The following HERC2 variants were observed in gnomAD, a reference collection of about 807,000 sequenced individuals.
HERC2 encodes the protein E3 ubiquitin-protein ligase HERC2.
In HERC2, 102 loss-of-function variants were observed where a neutral mutation model predicts 537.7. That is an observed-to-expected ratio of 0.19 (90% confidence interval 0.16 to 0.22). The LOEUF (loss-of-function observed/expected upper bound fraction) is 0.22. Ranked by LOEUF, HERC2 falls within the 10% of genes least tolerant of loss-of-function variation. The pLI is 1.00. For synonymous variants in HERC2, 2,224 were observed against 2,466.2 expected (o/e 0.90, Z 2.91); for missense variants, 4,236 against 6,198.2 (o/e 0.68, Z 10.63).
chr15:28,287,740 G>GTTT (rs1461307820), intron 4 of HERC2, among the ~76,000 whole-genome samples: 2,951 of 140,480 alleles, frequency 0.021, no homozygotes, highest in African/African-American at 0.065. Context: ...TTTTTTTTTG[G>GTTT]TTTGAGATGG....
Position 28,270,747 on chromosome 15 carries a change from C to T in HERC2, c.1205G>A (p.Arg402His), listed in dbSNP as rs200754559. Residue 402 changes from arginine to histidine, a missense_variant, in exon 10 of 93, where the codon CGT becomes CAT. Coordinates refer to ENST00000261609, the MANE Select transcript of HERC2 (RefSeq NM_004667.6). ...TAVVVMAHLD[R>H]LATPCMPPLC... The stretch of plus-strand genomic sequence containing the variant: ...CGGAGGCATACAGGGCGTAGCCAGA[C>T]GGTCTAAATGGGCCATGACAACAAC... 2.2e-5 allele frequency: 36 copies of T among 1,613,812 alleles called. No individual in the cohort carries two copies. Among genetic ancestry groups the T allele is most frequent in the Admixed American group, 6.7e-5 (4 of 59,986 alleles).
chr15:28,319,900 A>C (rs1018129673), intron 2 of HERC2, among the ~76,000 whole-genome samples: 2 of 152,236 alleles, frequency 1.3e-5, no homozygotes, highest in African/African-American at 2.4e-5. Flanking sequence ...ACAATTATTA[A>C]AACTTTGCCT....
intron 27 of HERC2, 46 bp from the exon 28 acceptor site, chr15:28,233,842 T>C (rs758375242): frequency 6.2e-7 from 1 of 1,600,596 alleles, no homozygotes; most frequent in Non-Finnish European, 8.5e-7. Context: ...ACCCAGTGAG[T>C]CTTCACAAAT....
rs763691916 is a variant in HERC2 at position 28,144,037 on chromosome 15, C to T, written c.11299+40G>A. On this transcript the variant is annotated intron_variant, in intron 73 of 92. Coordinates refer to ENST00000261609, the MANE Select transcript of HERC2 (RefSeq NM_004667.6). ...GTATCAGAAGTCTGATGGTTTCTTC[C>T]AAGCAGGAAGACAGATGTAACTGTA... 1.2e-5 allele frequency: 19 copies of T among 1,613,926 alleles called. No homozygotes were observed. The South Asian group carries it at 1.9e-4, about 16-fold the overall frequency.
At chr15:28,316,496 G>T (rs1596473158) in intron 2 of HERC2, among the ~76,000 whole-genome samples, 1 of 152,102 alleles carries the variant, frequency 6.6e-6, no homozygotes, top group East Asian at 1.9e-4. Flanking sequence ...TTTTTTTGCT[G>T]CAAAATGCTC....
At chr15:28,198,220 C>T (rs2525933) in intron 50 of HERC2, among the ~76,000 whole-genome samples, 158 bp downstream of exon 50, 3 of 152,202 alleles carry the variant, frequency 2.0e-5, no homozygotes, top group Admixed American at 6.5e-5. Context: ...GTGAGTTCCT[C>T]TGTGGCCTTT....
Position 28,269,443 on chromosome 15 carries a change from G to A in HERC2, c.1258-7C>T, listed in dbSNP as rs753462745. On this transcript the variant is annotated splice_polypyrimidine_tract_variant and splice_region_variant and intron_variant, in intron 10 of 92. Coordinates refer to ENST00000261609, the MANE Select transcript of HERC2 (RefSeq NM_004667.6). ...TGACCTCTTGCAATGATCCCTGTAAGATAAGAAAGTAAACATTTCCTTTAA... is the reference window on the plus strand; with the variant it reads ...TGACCTCTTGCAATGATCCCTGTAAAATAAGAAAGTAAACATTTCCTTTAA... 1.8e-5 allele frequency: 29 copies of A among 1,594,408 alleles called. No individual in the cohort carries two copies. The Admixed American group carries it at 4.2e-4, about 23-fold the overall frequency.
chr15:28,267,781 T>G (rs542332322), intron 12 of HERC2, among the ~76,000 whole-genome samples: 1 of 152,342 alleles, frequency 6.6e-6, no homozygotes, highest in East Asian at 1.9e-4. Flanking sequence ...GGGACACAAG[T>G]GCAGTCATGA....
Position 28,196,546 on chromosome 15 carries a change from T to C in HERC2, c.8035A>G (p.Ile2679Val), listed in dbSNP as rs148225341. 407 of 1,612,106 alleles carry C rather than the reference T, an allele frequency of 2.5e-4. No individual in the cohort carries two copies. Among genetic ancestry groups the C allele is most frequent in the Non-Finnish European group, 3.3e-4 (384 of 1,178,304 alleles). ...VKAFSANGKDIIVDFPQQSHW... is the reference protein window; with the variant it reads ...VKAFSANGKDVIVDFPQQSHW... ...GACTGCTGGGGAAAGTCGACAATGATATCTTTTCCATTGGCACTGAAAGCT... is the reference window on the plus strand; with the variant it reads ...GACTGCTGGGGAAAGTCGACAATGACATCTTTTCCATTGGCACTGAAAGCT... Residue 2679 changes from isoleucine (I) to valine (V), a missense_variant, in exon 51 of 93, where the codon ATC becomes GTC. Around this residue, in one of 27 missense-constraint regions of HERC2, gnomAD observed 606 missense variants for 884.5 expected, o/e 0.69. Transcript: ENST00000261609.
chr15:28,254,201 T>G lies in HERC2; in HGVS notation c.3050+139A>C, dbSNP rs2075178499. 10 of 583,936 alleles carry G rather than the reference T, an allele frequency of 1.7e-5. No individual in the cohort carries two copies. The South Asian group carries it at 2.3e-4, about 13-fold the overall frequency. The allele number at this position is 583,936 out of a possible 1,614,324, so 36.2% of individuals were successfully genotyped here. A position where few individuals can be genotyped will look rare whatever the true frequency, so the allele number is the denominator to read the frequency against. The stretch of plus-strand genomic sequence containing the variant: ...GAGAGGCTGAGGCAAGAGAATCACT[T>G]GAACCTGGGAGGCGGAGCTTGCAGT... On this transcript the variant is annotated intron_variant, in intron 20 of 92. Coordinates refer to ENST00000261609, the MANE Select transcript of HERC2 (RefSeq NM_004667.6).
At position 28,295,836 on chromosome 15, in the gene HERC2, A is replaced by G. The variant is rs1169043886; in HGVS notation, c.188-2814T>C. 3.9e-5 allele frequency among the ~76,000 whole-genome samples: 6 copies of G among 152,190 alleles called. 1 individual carries two copies. In the South Asian group the frequency reaches 1.0e-3, roughly 26 times the overall value. On this transcript the variant is annotated intron_variant, in intron 3 of 92. Coordinates refer to ENST00000261609, the MANE Select transcript of HERC2 (RefSeq NM_004667.6). ...GAATGAACGTCCCCTGCCCGCTGAC[A>G]TAGTACTGTCTGTGGCTACTCTGGC...
chr15:28,219,999 G>A (rs1488702564), intron 37 of HERC2, among the ~76,000 whole-genome samples: 1 of 152,204 alleles, frequency 6.6e-6, no homozygotes, highest in Admixed American at 6.5e-5. Context: ...TCAGAGTCAG[G>A]GACCACAGAG....
Position 28,311,414 on chromosome 15 carries a change from G to A in HERC2, c.72+9948C>T, listed in dbSNP as rs547650823. On this transcript the variant is annotated intron_variant, in intron 2 of 92. Transcript: ENST00000261609. ...GGGGAGGTTAAGGCTGCAGTGAGCC[G>A]TGACGGTGCCACTGCATTCCAGCCT... Among the ~76,000 whole-genome samples the A allele has an allele frequency of 8.5e-5, 13 of 152,370 alleles. No individual in the cohort carries two copies. In the South Asian group the frequency reaches 1.7e-3, roughly 19 times the overall value.
At chr15:28,189,066 G>A (rs1032425153) in intron 55 of HERC2, among the ~76,000 whole-genome samples, 24 of 152,222 alleles carry the variant, frequency 1.6e-4, no homozygotes, top group Middle Eastern at 6.8e-3. Context: ...CAGCCTGGGC[G>A]ACAGAGTGAG....
At chr15:28,284,917 C>G (rs530417987) in intron 4 of HERC2, among the ~76,000 whole-genome samples, 9 of 56,994 alleles carry the variant, frequency 1.6e-4, no homozygotes, top group African/African-American at 6.1e-4. Flanking sequence ...AACTCCGTCT[C>G]GGAAAAAAAA....
At chr15:28,123,528 G>C (rs1186375449) in intron 85 of HERC2, among the ~76,000 whole-genome samples, 1 of 152,204 alleles carries the variant, frequency 6.6e-6, no homozygotes, top group African/African-American at 2.4e-5. Context: ...CCTCACTCAT[G>C]ACTGTATTAT....
In HERC2 at chr15:28,122,749, G is replaced by A. The variant is rs562647758; in HGVS notation, c.13188+1288C>T. On this transcript the variant is annotated intron_variant, in intron 85 of 92. Coordinates refer to ENST00000261609, the MANE Select transcript of HERC2 (RefSeq NM_004667.6). This position sits in a 1 kb window ranked among gnomAD's most constrained non-coding sequence, Gnocchi z 4.1. ...AGGCTGCCTACACATTCCCTGACCA[G>A]AGGTACCTTTCAGACGCCCTCAGCA... 3.9e-5 allele frequency among the ~76,000 whole-genome samples: 6 copies of A among 152,188 alleles called. No individual in the cohort carries two copies. Among genetic ancestry groups the A allele is most frequent in the Admixed American group, 2.0e-4 (3 of 15,274 alleles).
At chr15:28,245,276 G>C (rs1185999451) in intron 23 of HERC2, among the ~76,000 whole-genome samples, 2 of 152,174 alleles carry the variant, frequency 1.3e-5, no homozygotes, top group African/African-American at 2.4e-5. Context: ...GCCGGGCGCA[G>C]TGGCTCATTC....
At chr15:28,213,386 GTT>G (rs577589963) in intron 42 of HERC2, 2 of 91,978 alleles carry the variant, frequency 2.2e-5, no homozygotes, top group African/African-American at 1.0e-4. Flanking sequence ...AAGAAAGGCT[GTT>G]TTTTTAAAGG....
Sources: allele counts gnomAD v4.1 joint callset (sites outside exome capture counted in the v4.1 genomes callset), GRCh38; gene constraint gnomAD v4.1.1; regional missense constraint gnomAD v4.1.1; non-coding constraint Gnocchi (gnomAD v3.1); transcripts MANE v1.5; gene names NCBI Gene and HGNC (gene_info 2026-07-23, HGNC 2026-07-21).